SHISA6: variants seen among roughly 807,000 people sequenced by gnomAD.
SHISA6 encodes the protein shisa family member 6, also known as protein shisa-6.
In SHISA6, 22 loss-of-function variants were observed where a neutral mutation model predicts 47.9. The ratio of observed to expected loss-of-function variants is 0.46; its 90% confidence interval spans 0.33 to 0.66. The LOEUF is 0.66. Among genes scored for constraint, SHISA6 ranks in the 30% least tolerant of loss-of-function variants. SHISA6 has a pLI of 0.02. For missense variants in SHISA6, 680 were observed against 764.6 expected (o/e 0.89, Z 1.30); for synonymous variants, 388 against 337.8 (o/e 1.15, Z -1.63).
intron 3 of SHISA6, among the ~76,000 whole-genome samples, chr17:11,527,037 G>A (rs952998072): frequency 6.6e-6 from 1 of 151,360 alleles, no homozygotes; most frequent in Admixed American, 6.6e-5. Flanking sequence ...GGACCAAGTG[G>A]AAAGTGAATC....
intron 2 of SHISA6, chr17:11,290,565 T>A (rs942088584): frequency 6.6e-6 from 1 of 151,366 alleles, no homozygotes. Flanking sequence ...TTAGCCAGGA[T>A]GGTCTGGATC....
chr17:11,407,088 T>C (rs1182693848), intron 3 of SHISA6, among the ~76,000 whole-genome samples: 3 of 152,132 alleles, frequency 2.0e-5, no homozygotes, highest in Non-Finnish European at 4.4e-5. Flanking sequence ...ACATAAATAA[T>C]AATAGCTAGC....
chr17:11,527,079 C>G (rs2071693604), intron 3 of SHISA6, among the ~76,000 whole-genome samples: 1 of 151,872 alleles, frequency 6.6e-6, no homozygotes, highest in South Asian at 2.1e-4. Context: ...CTTTACCACC[C>G]AAGAATACAG....
chr17:11,471,542 G>T (rs906094288), intron 3 of SHISA6, among the ~76,000 whole-genome samples: 1 of 152,150 alleles, frequency 6.6e-6, no homozygotes, highest in Non-Finnish European at 1.5e-5. Flanking sequence ...CATCTTTCAT[G>T]TGTCAGATCA....
intron 3 of SHISA6, among the ~76,000 whole-genome samples, chr17:11,446,061 C>T (rs1313008716): frequency 1.3e-5 from 2 of 152,186 alleles, no homozygotes; most frequent in African/African-American, 4.8e-5. Flanking sequence ...CTCCTGACCT[C>T]GTGATCCGCC....
chr17:11,433,418 T>G (rs933127190), intron 3 of SHISA6, among the ~76,000 whole-genome samples: 1 of 152,208 alleles, frequency 6.6e-6, no homozygotes, highest in Non-Finnish European at 1.5e-5. Context: ...GAACTCATCC[T>G]TTTTTATGGC....
chr17:11,293,059 A>G (rs890063022), intron 2 of SHISA6, among the ~76,000 whole-genome samples: 2 of 152,092 alleles, frequency 1.3e-5, no homozygotes, highest in African/African-American at 4.8e-5. Flanking sequence ...TCCCGACCTC[A>G]GGTGATCCAG....
chr17:11,438,051 C>T (rs2142294846), intron 3 of SHISA6, among the ~76,000 whole-genome samples: 1 of 152,288 alleles, frequency 6.6e-6, no homozygotes, highest in East Asian at 1.9e-4. Flanking sequence ...TTGTCCACTC[C>T]TTCTCCAAGA....
intron 2 of SHISA6, among the ~76,000 whole-genome samples, chr17:11,328,820 G>A (rs1005087869): frequency 2.6e-5 from 4 of 152,116 alleles, no homozygotes; most frequent in Non-Finnish European, 5.9e-5. Flanking sequence ...GGAGGAAAGG[G>A]TGCCCCTTAG....
chr17:11,265,403 T>C (rs1908388677), intron 2 of SHISA6, among the ~76,000 whole-genome samples: 1 of 152,164 alleles, frequency 6.6e-6, no homozygotes, highest in Non-Finnish European at 1.5e-5. Flanking sequence ...ACTGACTGAA[T>C]TGATGTGGAA....
chr17:11,290,554 G>T (rs1909494959), intron 2 of SHISA6: 1 of 151,978 alleles, frequency 6.6e-6, no homozygotes, highest in African/African-American at 2.4e-5. Context: ...GTTTCACCGT[G>T]TTAGCCAGGA....
intron 1 of SHISA6, among the ~76,000 whole-genome samples, chr17:11,251,635 T>C (rs1253599257): frequency 6.6e-6 from 1 of 152,110 alleles, no homozygotes; most frequent in Non-Finnish European, 1.5e-5. Context: ...CCCTGCCCCA[T>C]GTCTAACATC....
chr17:11,458,110 C>G (rs1189374746), intron 3 of SHISA6, among the ~76,000 whole-genome samples: 1 of 150,966 alleles, frequency 6.6e-6, no homozygotes, highest in Non-Finnish European at 1.5e-5. Context: ...AAATAGAATG[C>G]CTGAAAAAAC....
At chr17:11,377,710 T>C (rs1912853372) in intron 2 of SHISA6, among the ~76,000 whole-genome samples, 1 of 152,136 alleles carries the variant, frequency 6.6e-6, no homozygotes, top group South Asian at 2.1e-4. Flanking sequence ...CTAAGAGGTT[T>C]TCATTGAAGT....
At chr17:11,450,966 A>G (rs532693597) in intron 3 of SHISA6, among the ~76,000 whole-genome samples, 297 of 151,228 alleles carry the variant, frequency 2.0e-3, no homozygotes, top group Non-Finnish European at 3.1e-3. Flanking sequence ...GGAGCAAGGT[A>G]GACCAGGACA....
chr17:11,466,975 C>T (rs1359966685), intron 3 of SHISA6, among the ~76,000 whole-genome samples: 2 of 152,120 alleles, frequency 1.3e-5, no homozygotes, highest in Admixed American at 6.5e-5. Flanking sequence ...CATTAAGTGC[C>T]TAAACTGAGT....
chr17:11,380,254 G>A (rs1159015752), intron 3 of SHISA6: 3 of 152,174 alleles, frequency 2.0e-5, no homozygotes, highest in Non-Finnish European at 4.4e-5. Flanking sequence ...GAATTCTGTT[G>A]TAGGGGTAGT....
chr17:11,422,924 C>T (rs570199559), intron 3 of SHISA6, among the ~76,000 whole-genome samples: 1 of 151,556 alleles, frequency 6.6e-6, no homozygotes, highest in South Asian at 2.1e-4. Flanking sequence ...AACCTATGCA[C>T]ACCAAAAATT....
intron 3 of SHISA6, among the ~76,000 whole-genome samples, chr17:11,470,240 A>G (rs1915904538): frequency 6.6e-6 from 1 of 152,202 alleles, no homozygotes; most frequent in Non-Finnish European, 1.5e-5. Flanking sequence ...AGGTCTGTCA[A>G]GGTTCCAACT....
Sources: allele counts gnomAD v4.1 joint callset (sites outside exome capture counted in the v4.1 genomes callset), GRCh38; gene constraint gnomAD v4.1.1; transcripts MANE v1.5; gene names NCBI Gene and HGNC (gene_info 2026-07-23, HGNC 2026-07-21).